The following CEP57L1 variants were observed in gnomAD, a reference collection of about 807,000 sequenced individuals.
The protein encoded by CEP57L1 is centrosomal protein 57 like 1.
Under a neutral mutation model 61.0 loss-of-function variants are expected in CEP57L1, and 37 were observed. The ratio of observed to expected loss-of-function variants is 0.61; its 90% CI spans 0.47 to 0.80. CEP57L1 has a LOEUF of 0.80. Ranked by LOEUF, CEP57L1 falls within the 30% of genes least tolerant of loss-of-function variation. The pLI, the probability that CEP57L1 is intolerant of heterozygous loss-of-function variation, is 0.00. For missense variants in CEP57L1, 422 were observed against 524.7 expected (o/e 0.80, Z 1.91); for synonymous variants, 137 against 162.3 (o/e 0.84, Z 1.19).
At position 109,162,744 on chromosome 6, in the gene CEP57L1, T is replaced by C. The variant is rs1773828644; in HGVS notation, c.1162-5T>C. 1 of 1,601,722 alleles carries C rather than the reference T, an allele frequency of 6.2e-7. No individual in the cohort carries two copies. Among genetic ancestry groups the C allele is most frequent in the African/African-American group, 1.3e-5 (1 of 74,350 alleles). The stretch of plus-strand genomic sequence containing the variant: ...CTAAAATGTTAGATTTTTTTTTCTC[T>C]CCAGGTCTGTAAACTGCAGCAAAAA... On this transcript the variant is annotated splice_polypyrimidine_tract_variant and splice_region_variant and intron_variant, in intron 10 of 10. Transcript: ENST00000517392.
At position 109,145,382 on chromosome 6, in the gene CEP57L1, G is replaced by T; in HGVS notation, c.160+1G>T. On this transcript the variant is annotated splice_donor_variant, in intron 2 of 10. Coordinates refer to ENST00000517392, the MANE Select transcript of CEP57L1 (RefSeq NM_001271852.3). LOFTEE classifies it high-confidence loss of function. ...ATACTTCATAGCCCAAATAGCCAAG[G>T]TAATGCTGATATAAAATTTGAAGAA... The T allele has an allele frequency of 6.4e-7, 1 of 1,559,062 alleles. No homozygotes were observed. Among genetic ancestry groups the T allele is most frequent in the Non-Finnish European group, 8.7e-7 (1 of 1,154,078 alleles).
At chr6:109,158,086 T>A (rs1361082802) in intron 7 of CEP57L1, 1 of 152,502 alleles carries the variant, frequency 6.6e-6, no homozygotes, top group Admixed American at 6.5e-5. Context: ...TGGTTGGCTT[T>A]TTTCCCTTGA....
At position 109,134,829 on chromosome 6, in the gene CEP57L1, T is replaced by A. The variant is rs1031337630; in HGVS notation, c.-3-10390T>A. Among the ~76,000 whole-genome samples the A allele has an allele frequency of 2.6e-5, 4 of 151,964 alleles. No homozygotes were observed. In the South Asian group the frequency reaches 6.2e-4, roughly 24 times the overall value. On this transcript the variant is annotated intron_variant, in intron 1 of 10. Coordinates refer to ENST00000517392, the MANE Select transcript of CEP57L1 (RefSeq NM_001271852.3). The stretch of plus-strand genomic sequence containing the variant: ...CCATTCACAATTGCTTCAAAGAGAA[T>A]AAAATACCTAGGAATCCAACTTACA...
Position 109,167,830 on chromosome 6 carries a change from C to G in CEP57L1, c.*4860C>G, listed in dbSNP as rs1172037180. Among the ~76,000 whole-genome samples the G allele has an allele frequency of 1.3e-5, 2 of 152,152 alleles. No homozygotes were observed. The highest frequency in any genetic ancestry group is 2.9e-5 in the Non-Finnish European group (2 of 68,020). On this transcript the variant is annotated 3_prime_UTR_variant, in exon 11 of 11. Transcript: ENST00000517392. Reference sequence around the variant, plus strand: ...GGAAGAGGTTTGAGAGCCAAGAGTTCTTTATTTGGATATTGGTATGTTTGA... The same window carrying G: ...GGAAGAGGTTTGAGAGCCAAGAGTTGTTTATTTGGATATTGGTATGTTTGA...
At chr6:109,098,262 C>T (rs1255827087) in intron 1 of CEP57L1, among the ~76,000 whole-genome samples, 1 of 152,154 alleles carries the variant, frequency 6.6e-6, no homozygotes, top group Non-Finnish European at 1.5e-5. Context: ...ATTCTTCGTC[C>T]TCGGCCTCCC....
intron 3 of CEP57L1, 100 bp downstream of exon 3, chr6:109,147,037 C>A: frequency 1.1e-6 from 1 of 899,660 alleles, no homozygotes; most frequent in Non-Finnish European, 1.6e-6. Context: ...TATCTTTATT[C>A]TTATATATAT....
chr6:109,109,198 G>A (rs183040848), intron 1 of CEP57L1, among the ~76,000 whole-genome samples: 1 of 152,222 alleles, frequency 6.6e-6, no homozygotes, highest in East Asian at 1.9e-4. Flanking sequence ...GACATTACTT[G>A]AAGTCTGTTC....
Position 109,159,252 on chromosome 6 carries a change from T to C in CEP57L1, c.823-17T>C, listed in dbSNP as rs966019359. ...GCAAGCTGTTCTGTGAATGCAAGTA[T>C]GCAAAACTTTTTGCAGATGAGGCAA... On this transcript the variant is annotated splice_polypyrimidine_tract_variant and intron_variant, in intron 8 of 10. Transcript: ENST00000517392. 6.2e-7 allele frequency: 1 copy of C among 1,614,152 alleles called. No homozygotes were observed. Among genetic ancestry groups the C allele is most frequent in the Admixed American group, 1.7e-5 (1 of 60,002 alleles).
intron 3 of CEP57L1, among the ~76,000 whole-genome samples, chr6:109,149,768 ATTTG>A (rs1772387895): frequency 6.6e-6 from 1 of 152,094 alleles, no homozygotes; most frequent in African/African-American, 2.4e-5. Context: ...ATGTTCTTCC[ATTTG>A]TTTGTATCCT....
rs1481871107 is a variant in CEP57L1, at chr6:109,164,261, G to A, written c.*1291G>A. ...GGAAATTCCCAAGAAGCTTGTGTAGGAAAAAGTTGGTAATTATGGATCTTT... is the reference window on the plus strand; with the variant it reads ...GGAAATTCCCAAGAAGCTTGTGTAGAAAAAAGTTGGTAATTATGGATCTTT... On this transcript the variant is annotated 3_prime_UTR_variant, in exon 11 of 11. Coordinates refer to ENST00000517392, the MANE Select transcript of CEP57L1 (RefSeq NM_001271852.3). Among the ~76,000 whole-genome samples, 3 of 152,240 alleles carry A rather than the reference G, an allele frequency of 2.0e-5. No homozygotes were observed. The East Asian group carries it at 5.8e-4, about 29-fold the overall frequency.
intron 3 of CEP57L1, among the ~76,000 whole-genome samples, chr6:109,148,688 C>T (rs1244985656): frequency 7.2e-5 from 11 of 152,086 alleles, no homozygotes; most frequent in East Asian, 1.9e-4. Flanking sequence ...CCTGAGGAAT[C>T]GCCACACTGA....
At chr6:109,150,321 G>T (rs1772470071) in intron 4 of CEP57L1, 82 bp downstream of exon 4, 1 of 1,511,280 alleles carries the variant, frequency 6.6e-7, no homozygotes, top group Non-Finnish European at 9.0e-7. Context: ...AAAATTCAAA[G>T]GCAAAGGTGG....
chr6:109,115,415 C>G (rs895362689), intron 1 of CEP57L1, among the ~76,000 whole-genome samples: 12 of 151,982 alleles, frequency 7.9e-5, no homozygotes, highest in African/African-American at 2.9e-4. Context: ...TTAGATTACG[C>G]TCAGCCAAAC....
chr6:109,155,973 T>C, intron 7 of CEP57L1, 96 bp downstream of exon 7: 3 of 567,806 alleles, frequency 5.3e-6, no homozygotes, highest in Non-Finnish European at 9.2e-6. Flanking sequence ...AAAAAGGATT[T>C]GAAGATATAA....
At chr6:109,125,524 ATT>A (rs5879014) in intron 1 of CEP57L1, among the ~76,000 whole-genome samples, 189 of 142,994 alleles carry the variant, frequency 1.3e-3, no homozygotes, top group African/African-American at 4.8e-3. Context: ...ATATATATAT[ATT>A]TTTTTTTTAA....
chr6:109,127,369 CT>C, intron 1 of CEP57L1, among the ~76,000 whole-genome samples: 1 of 152,098 alleles, frequency 6.6e-6, no homozygotes, highest in Admixed American at 6.5e-5. Context: ...TTGTGTGAGT[CT>C]TTTTTCAACA....
At chr6:109,130,463 T>C (rs1162675168) in intron 1 of CEP57L1, among the ~76,000 whole-genome samples, 1 of 152,178 alleles carries the variant, frequency 6.6e-6, no homozygotes, top group African/African-American at 2.4e-5. Context: ...TATCACATTT[T>C]GTTTACCTAT....
intron 5 of CEP57L1, among the ~76,000 whole-genome samples, 175 bp downstream of exon 5, chr6:109,154,124 T>A (rs1203549753): frequency 6.6e-6 from 1 of 152,236 alleles, no homozygotes; most frequent in African/African-American, 2.4e-5. Flanking sequence ...TCTGTCACAG[T>A]ATGAATGAGC....
chr6:109,095,628 T>G lies in CEP57L1; in HGVS notation c.-4+53T>G, dbSNP rs1402459663. On this transcript the variant is annotated intron_variant, in intron 1 of 10. Transcript: ENST00000517392. ...TTTCCTTGACAGGGTTTTTCCTTCCTCCATTTCCTCTGGGATTTTGGAGAC... is the reference window on the plus strand; with the variant it reads ...TTTCCTTGACAGGGTTTTTCCTTCCGCCATTTCCTCTGGGATTTTGGAGAC... 4.1e-6 allele frequency: 4 copies of G among 969,254 alleles called. No homozygotes were observed. In the African/African-American group the frequency reaches 5.3e-5, roughly 13 times the overall value. The allele number at this position is 969,254 out of a possible 1,614,324, so 60.0% of individuals were successfully genotyped here.
Sources: gnomAD v4.1 joint callset for allele counts (sites outside exome capture counted in the v4.1 genomes callset) on GRCh38, gnomAD v4.1.1 for gene constraint, MANE v1.5 for transcripts, NCBI Gene and HGNC (gene_info 2026-07-23, HGNC 2026-07-21) for gene names.